The following ST18 variants were observed in gnomAD, a reference collection of about 807,000 sequenced individuals.
ST18 encodes the protein suppression of tumorigenicity 18 protein.
ST18 carries 50 observed loss-of-function variants against 110.0 expected under a neutral mutation model. The ratio of observed to expected loss-of-function variants is 0.45; its 90% CI spans 0.36 to 0.58. The LOEUF (loss-of-function observed/expected upper bound fraction) is 0.58. Among genes scored for constraint, ST18 ranks in the 20% least tolerant of loss-of-function variants. ST18 has a pLI of 0.00. For synonymous variants in ST18, 461 were observed against 452.4 expected, an observed-to-expected ratio of 1.02 and a Z score of -0.24; for missense variants, 1,306 against 1,280.1, an observed-to-expected ratio of 1.02 and a Z score of -0.31.
chr8:52,200,478 C>T lies in ST18; in HGVS notation c.86+11601G>A, dbSNP rs117720231. 5.8e-3 allele frequency among the ~76,000 whole-genome samples: 883 copies of T among 152,204 alleles called. 34 individuals carry two copies. Among genetic ancestry groups the T allele is most frequent in the Admixed American group, 0.051 (776 of 15,284 alleles). ...TTCGGCAGGTCTGGGGGACCCAGCG[C>T]GGATTCTAGTTGGGTAGGGGGCAAT... On this transcript the variant is annotated intron_variant, in intron 8 of 25. Transcript: ENST00000689386.
intron 8 of ST18, among the ~76,000 whole-genome samples, chr8:52,190,540 T>C (rs2074127637): frequency 1.3e-5 from 2 of 152,170 alleles, no homozygotes; most frequent in South Asian, 2.1e-4. Context: ...TTTGCTTTAG[T>C]GGATTAACAT....
intron 2 of ST18, among the ~76,000 whole-genome samples, chr8:52,385,072 A>T (rs1199402733): frequency 1.3e-5 from 2 of 152,212 alleles, no homozygotes; most frequent in Non-Finnish European, 2.9e-5. Flanking sequence ...CCCTCTGCCC[A>T]TCTTAAGACA....
At position 52,149,991 on chromosome 8, in the gene ST18, G is replaced by A; in HGVS notation, c.1807-14C>T. ...TATTTCGGCTCCCTGGTATACAATAGGAAACAGAAAAACATTTAAGCAGTT... is the reference window on the plus strand; with the variant it reads ...TATTTCGGCTCCCTGGTATACAATAAGAAACAGAAAAACATTTAAGCAGTT... On this transcript the variant is annotated splice_polypyrimidine_tract_variant and intron_variant, in intron 15 of 25. Transcript: ENST00000689386. 6.2e-7 allele frequency: 1 copy of A among 1,606,524 alleles called. No homozygotes were observed. Among genetic ancestry groups the A allele is most frequent in the South Asian group, 1.1e-5 (1 of 89,778 alleles).
intron 2 of ST18, among the ~76,000 whole-genome samples, chr8:52,400,413 TTGATAATAGTTAC>T (rs1318392240): frequency 6.6e-6 from 1 of 152,164 alleles, no homozygotes; most frequent in African/African-American, 2.4e-5. Flanking sequence ...TCAGTTATTA[TTGATAATAGTTAC>T]TATTGATAGG....
intron 2 of ST18, among the ~76,000 whole-genome samples, chr8:52,233,455 G>T (rs547721668): frequency 6.6e-6 from 1 of 152,122 alleles, no homozygotes; most frequent in Non-Finnish European, 1.5e-5. Flanking sequence ...GAGTGAAGAA[G>T]AATTCCTAAT....
intron 2 of ST18, among the ~76,000 whole-genome samples, chr8:52,363,952 T>C (rs1826799254): frequency 1.3e-5 from 2 of 152,194 alleles, no homozygotes; most frequent in African/African-American, 2.4e-5. Flanking sequence ...TTGGCAAAAG[T>C]CAATGGCTCA....
At chr8:52,133,203 C>T in intron 20 of ST18, 36 bp downstream of exon 20, 1 of 1,614,148 alleles carries the variant, frequency 6.2e-7, no homozygotes, top group South Asian at 1.1e-5. Flanking sequence ...TGCCGACAAG[C>T]TCATTTCCAC....
In ST18 at chr8:52,287,263, C is replaced by T. The variant is rs1050761238; in HGVS notation, c.-464-57186G>A. 7.9e-5 allele frequency among the ~76,000 whole-genome samples: 12 copies of T among 152,098 alleles called. No individual in the cohort carries two copies. In the South Asian group the frequency reaches 1.0e-3, roughly 13 times the overall value. Reference sequence around the variant, plus strand: ...TCCACAATACCAAAGGTTTTGCAAGCGTTGCTGAACATTTTTTAAAGCATT... The same window carrying T: ...TCCACAATACCAAAGGTTTTGCAAGTGTTGCTGAACATTTTTTAAAGCATT... On this transcript the variant is annotated intron_variant, in intron 2 of 25. Transcript: ENST00000689386.
chr8:52,295,710 C>CTTTTTTTTTTT (rs371927202), intron 2 of ST18, among the ~76,000 whole-genome samples: 3 of 130,846 alleles, frequency 2.3e-5, no homozygotes. Context: ...TCTTTTTTTC[C>CTTTTTTTTTTT]TTTTTTTTTT....
At chr8:52,396,659 A>C (rs1266216864) in intron 2 of ST18, among the ~76,000 whole-genome samples, 3 of 152,160 alleles carry the variant, frequency 2.0e-5, no homozygotes, top group Non-Finnish European at 4.4e-5. Context: ...AGAAGTGCCA[A>C]GCAAAGGGGG....
At chr8:52,245,387 A>G (rs1403997144) in intron 2 of ST18, among the ~76,000 whole-genome samples, 1 of 152,046 alleles carries the variant, frequency 6.6e-6, no homozygotes, top group Non-Finnish European at 1.5e-5. Context: ...GTTTTATCTC[A>G]TGCCAAACAT....
intron 2 of ST18, among the ~76,000 whole-genome samples, chr8:52,369,641 G>A (rs563259428): frequency 2.1e-4 from 32 of 152,128 alleles, no homozygotes; most frequent in African/African-American, 7.7e-4. Flanking sequence ...AAACAATATG[G>A]AATTCTGTTC....
intron 16 of ST18, 147 bp from the exon 17 acceptor site, chr8:52,143,192 A>C: frequency 1.6e-6 from 1 of 615,618 alleles, no homozygotes. Context: ...TTGCATAAGA[A>C]ATAAATAATA....
rs780843723 is a variant in ST18 at position 52,159,013 on chromosome 8, C to A, written c.1691G>T (p.Gly564Val). ...SPGRASSYSYGQCSEDTHIAA... is the reference protein window; with the variant it reads ...SPGRASSYSYVQCSEDTHIAA... ...TATGTGGGTGTCTTCACTACATTGA[C>A]CGTAGCTATAAGAGCTGGCACGGCC... is the stretch of plus-strand genomic sequence containing the variant. The change falls in exon 15 of 26, where the codon GGT (glycine) becomes GTT (valine). Residue 564 changes from glycine to valine, a missense_variant. Transcript: ENST00000689386. The A allele has an allele frequency of 3.7e-6, 6 of 1,614,100 alleles. No individual in the cohort carries two copies. Among genetic ancestry groups the A allele is most frequent in the Non-Finnish European group, 5.1e-6 (6 of 1,180,000 alleles).
At chr8:52,307,319 C>T (rs62499825) in intron 2 of ST18, among the ~76,000 whole-genome samples, 18,007 of 152,154 alleles carry the variant, frequency 0.12, 1,427 homozygotes, top group Middle Eastern at 0.25. Flanking sequence ...CGAATAAGAT[C>T]CAGAGGGGAA....
intron 2 of ST18, among the ~76,000 whole-genome samples, chr8:52,298,429 T>TGG (rs1467808041): frequency 6.6e-6 from 1 of 152,168 alleles, no homozygotes; most frequent in Non-Finnish European, 1.5e-5. Context: ...AACAAAATGT[T>TGG]GGATCAGACA....
Position 52,113,213 on chromosome 8 carries a change from C to T in ST18, c.3129G>A (p.Lys1043=). ...CGCTGTGATCCTACACATGGATACC[C>T]TTCACTGCCTGTTTGATACTTTCCA... ...ALLESIKQAV[K]GIHV Residue 1043 remains lysine, a synonymous_variant, in exon 26 of 26, where the codon AAG becomes AAA. Transcript: ENST00000689386. The T allele has an allele frequency of 6.2e-7, 1 of 1,614,050 alleles. No homozygotes were observed. Among genetic ancestry groups the T allele is most frequent in the Non-Finnish European group, 8.5e-7 (1 of 1,179,928 alleles).
chr8:52,166,817 A>T, intron 11 of ST18, 35 bp downstream of exon 11: 1 of 1,516,956 alleles, frequency 6.6e-7, no homozygotes, highest in Non-Finnish European at 8.9e-7. Context: ...TCTGGCGTGC[A>T]TAAGCAGAAG....
intron 2 of ST18, among the ~76,000 whole-genome samples, chr8:52,324,171 T>G (rs1444214040): frequency 1.3e-5 from 2 of 152,154 alleles, no homozygotes; most frequent in Admixed American, 6.5e-5. Context: ...GTTCCTCTCA[T>G]GAAGCTCTGG....
Sources: gnomAD v4.1 joint callset for allele counts (sites outside exome capture counted in the v4.1 genomes callset) on GRCh38, gnomAD v4.1.1 for gene constraint, MANE v1.5 for transcripts, NCBI Gene and HGNC (gene_info 2026-07-23, HGNC 2026-07-21) for gene names.